Variants in NBPF9 observed in about 807,000 individuals in gnomAD.
The protein encoded by NBPF9 is NBPF member 9.
A neutral mutation model predicts 97.8 loss-of-function variants in NBPF9; 91 were observed. That is an observed-to-expected ratio of 0.93 (90% CI 0.79 to 1.11). The LOEUF is 1.11. Ranked by LOEUF, NBPF9 falls within the 50% of genes least tolerant of loss-of-function variation. NBPF9 has a pLI of 0.00. For synonymous variants in NBPF9, 334 were observed against 359.5 expected (o/e 0.93, Z 0.80); for missense variants, 992 against 939.5 (o/e 1.06, Z -0.73).
intron 5 of NBPF9, among the ~76,000 whole-genome samples, chr1:149,083,284 CTA>C (rs2080689923): frequency 8.1e-6 from 1 of 122,758 alleles, no homozygotes; most frequent in Non-Finnish European, 1.7e-5. Context: ...GCATAAGTAA[CTA>C]TGAATATTCT....
chr1:149,101,616 T>C (rs2082149224), intron 2 of NBPF9, among the ~76,000 whole-genome samples: 7 of 151,138 alleles, frequency 4.6e-5, no homozygotes. Context: ...CAAATGACAA[T>C]AAAAGATACT....
rs2078609382 is a variant in NBPF9 at position 149,061,810 on chromosome 1, T to A, written c.2251+283A>T. The A allele has an allele frequency of 6.3e-6, 2 of 319,626 alleles. 1 individual carries two copies. Among genetic ancestry groups the A allele is most frequent in the African/African-American group, 7.5e-5 (2 of 26,794 alleles). 19.8% of individuals were successfully genotyped at this position (319,626 alleles called of 1,614,324 possible). A position where few individuals can be genotyped will look rare whatever the true frequency, so the allele number is the denominator to read the frequency against. ...TCTACAAACCCTTGAGTCCAAATCATACTTCTGTGAATTTTTTACATCTGC... is the reference window on the plus strand; with the variant it reads ...TCTACAAACCCTTGAGTCCAAATCAAACTTCTGTGAATTTTTTACATCTGC... On this transcript the variant is annotated intron_variant, in intron 22 of 29. Coordinates refer to ENST00000584027, the Ensembl canonical transcript of NBPF9.
At chr1:149,085,005 G>C (rs587702569) in intron 5 of NBPF9, among the ~76,000 whole-genome samples, 9 of 151,902 alleles carry the variant, frequency 5.9e-5, no homozygotes, top group Non-Finnish European at 1.0e-4. Context: ...CACCTTCAGC[G>C]TTCCCAGTAC....
chr1:149,086,301 T>C (rs1199107233), intron 5 of NBPF9, among the ~76,000 whole-genome samples: 1 of 149,048 alleles, frequency 6.7e-6, no homozygotes, highest in African/African-American at 2.4e-5. Flanking sequence ...AAGAAGCCAG[T>C]GCCCTTATAC....
chr1:149,056,167 G>C (rs1271169574), intron 29 of NBPF9, among the ~76,000 whole-genome samples: 5 of 151,584 alleles, frequency 3.3e-5, no homozygotes, highest in African/African-American at 7.3e-5. Flanking sequence ...ATACTGGTAA[G>C]GGAGTAAAAG....
At chr1:149,097,212 A>G (rs1283879651) in intron 4 of NBPF9, among the ~76,000 whole-genome samples, 18 of 152,048 alleles carry the variant, frequency 1.2e-4, no homozygotes, top group African/African-American at 4.1e-4. Context: ...GAAGGAAATG[A>G]ACAAATTTAC....
At chr1:149,055,591 C>T in exon 30 of NBPF9, 2 of 1,572,276 alleles carry the variant, frequency 1.3e-6, no homozygotes, top group East Asian at 2.2e-5. Context: ...TACTTTCATT[C>T]AAAACTTCAC....
chr1:149,079,906 T>A, intron 8 of NBPF9, 147 bp downstream of exon 8: 1 of 649,268 alleles, frequency 1.5e-6, no homozygotes, highest in Non-Finnish European at 2.7e-6. Context: ...CCTTGTTCTC[T>A]GATAAATATT....
At chr1:149,070,138 T>A (rs1414104366) in intron 16 of NBPF9, among the ~76,000 whole-genome samples, 1 of 143,762 alleles carries the variant, frequency 7.0e-6, no homozygotes, top group African/African-American at 2.7e-5. Flanking sequence ...CTGGCCAATA[T>A]GGGGAAACCC....
chr1:149,084,266 G>A (rs587727114), intron 5 of NBPF9, among the ~76,000 whole-genome samples: 6 of 145,542 alleles, frequency 4.1e-5, no homozygotes, highest in East Asian at 4.0e-4. Flanking sequence ...ATATATACAC[G>A]TGTATATATA....
chr1:149,057,704 GACACACACACAC>G (rs879952249), intron 27 of NBPF9, among the ~76,000 whole-genome samples, 197 bp from the exon 28 acceptor site: 25 of 27,836 alleles, frequency 9.0e-4, no homozygotes, highest in Admixed American at 1.9e-3. Flanking sequence ...AAGACAGATA[GACACACACACAC>G]ACACACACAC....
intron 11 of NBPF9, among the ~76,000 whole-genome samples, chr1:149,076,562 G>C (rs1157635783): frequency 2.0e-5 from 3 of 149,732 alleles, no homozygotes; most frequent in Non-Finnish European, 4.5e-5. Flanking sequence ...GAGTGCAGTG[G>C]CACAATCTCG....
At chr1:149,077,849 C>A in intron 10 of NBPF9, 34 bp downstream of exon 10, 1 of 1,593,360 alleles carries the variant, frequency 6.3e-7, no homozygotes, top group Non-Finnish European at 8.6e-7. Flanking sequence ...CATATGTTAC[C>A]ACCCATTACT....
chr1:149,058,519 A>G, intron 26 of NBPF9: 2 of 180,384 alleles, frequency 1.1e-5, no homozygotes, highest in South Asian at 6.2e-5. Context: ...GATGATTTCT[A>G]GGAGGAAAAC....
intron 7 of NBPF9, 141 bp downstream of exon 7, chr1:149,081,824 C>T (rs1289540860): frequency 4.9e-6 from 3 of 617,884 alleles, no homozygotes; most frequent in Non-Finnish European, 7.7e-6. Flanking sequence ...CAACTTTAAC[C>T]AAATGTTAAA....
Position 149,082,109 on chromosome 1 carries a change from C to A in NBPF9, c.31G>T (p.Glu11Ter), listed in dbSNP as rs781877605. The A allele has an allele frequency of 1.1e-5, 17 of 1,611,596 alleles. No homozygotes were observed. The Admixed American group carries it at 2.8e-4, about 27-fold the overall frequency. The change falls in exon 7 of 30, where the codon GAG becomes TAG. Residue 11 changes from glutamate to a stop codon, truncating the protein, a stop_gained. Coordinates refer to ENST00000584027, the Ensembl canonical transcript of NBPF9. LOFTEE classifies it high-confidence loss of function. ...TCTAGAATGTTCATCTCTGCCTTCTCGCTGGACCAAGGGCCGGCTGATACC... is the reference window on the plus strand; with the variant it reads ...TCTAGAATGTTCATCTCTGCCTTCTAGCTGGACCAAGGGCCGGCTGATACC...
At chr1:149,061,520 A>G (rs2078595941) in intron 22 of NBPF9, 137 bp from the exon 23 acceptor site, 1 of 466,764 alleles carries the variant, frequency 2.1e-6, no homozygotes. Flanking sequence ...ATACTTCAGG[A>G]AGCCTGAAAG....
At position 149,082,259 on chromosome 1, in the gene NBPF9, C is replaced by G. The variant is rs2080537884; in HGVS notation, c.-36+13G>C. On this transcript the variant is annotated intron_variant, in intron 6 of 29. Coordinates refer to ENST00000584027, the Ensembl canonical transcript of NBPF9. ...AATCAGGACTGAGGGATGTCAGTAA[C>G]TGAAATTCTTACCTTACTGTTGTGA... 1.5e-6 allele frequency: 2 copies of G among 1,334,126 alleles called. No homozygotes were observed. Among genetic ancestry groups the G allele is most frequent in the East Asian group, 2.4e-5 (1 of 42,128 alleles). The allele number at this position is 1,334,126 out of a possible 1,614,324, so 82.6% of individuals were successfully genotyped here.
In NBPF9 at chr1:149,063,514, T is replaced by G. The variant is rs2078780623; in HGVS notation, c.2026+119A>C. On this transcript the variant is annotated intron_variant, in intron 20 of 29. Coordinates refer to ENST00000584027, the Ensembl canonical transcript of NBPF9. Reference sequence around the variant, plus strand: ...GAGTTTCATTCAACGTACATGTGCCTATAGGTCCTCCCTGTGGCAATGACA... The same window carrying G: ...GAGTTTCATTCAACGTACATGTGCCGATAGGTCCTCCCTGTGGCAATGACA... The G allele has an allele frequency of 1.1e-5, 8 of 701,564 alleles. 1 individual carries two copies. Among genetic ancestry groups the G allele is most frequent in the African/African-American group, 1.8e-5 (1 of 54,358 alleles). The allele number at this position is 701,564 out of a possible 1,614,324, so 43.5% of individuals were successfully genotyped here.
Sources: allele counts gnomAD v4.1 joint callset (sites outside exome capture counted in the v4.1 genomes callset), GRCh38; gene constraint gnomAD v4.1.1; transcripts MANE v1.5; gene names NCBI Gene and HGNC (gene_info 2026-07-23, HGNC 2026-07-21).